Variants in CAPS2 observed in about 807,000 individuals in gnomAD.
CAPS2 encodes calcyphosin-2.
Under a neutral mutation model 86.5 loss-of-function variants are expected in CAPS2, and 98 were observed. That is an observed-to-expected ratio of 1.13 (90% CI 0.96 to 1.34). The LOEUF (loss-of-function observed/expected upper bound fraction) is 1.34, where lower values mean the gene tolerates loss of function less well. Among genes scored for constraint, CAPS2 ranks in the 40% most tolerant of loss-of-function variants. The pLI is 0.00. For synonymous variants in CAPS2, 210 were observed against 225.1 expected (o/e 0.93, Z 0.60); for missense variants, 729 against 686.8 (o/e 1.06, Z -0.69).
At chr12:75,370,233 C>T in intron 1 of CAPS2, 1 of 848,944 alleles carries the variant, frequency 1.2e-6, no homozygotes, top group South Asian at 1.4e-5. Context: ...TAGTTTATTG[C>T]TTAATATAAC....
intron 1 of CAPS2, chr12:75,365,367 A>T (rs1285010136): frequency 6.6e-6 from 1 of 152,174 alleles, no homozygotes; most frequent in Non-Finnish European, 1.5e-5. Context: ...ATTAGAACAG[A>T]AAAAGGAAAC....
chr12:75,317,833 T>A (rs1466854721), intron 5 of CAPS2, among the ~76,000 whole-genome samples: 3 of 152,152 alleles, frequency 2.0e-5, no homozygotes, highest in African/African-American at 7.2e-5. Context: ...TATGTGTGTG[T>A]GTGTCATTAA....
chr12:75,384,923 T>C (rs1198407689), intron 1 of CAPS2, among the ~76,000 whole-genome samples: 1 of 152,246 alleles, frequency 6.6e-6, no homozygotes, highest in Non-Finnish European at 1.5e-5. Flanking sequence ...AAAAAGATTA[T>C]TGGGTTATGA....
At chr12:75,291,566 A>AAT (rs1565793383) in intron 13 of CAPS2, among the ~76,000 whole-genome samples, 178 bp downstream of exon 13, 18 of 41,818 alleles carry the variant, frequency 4.3e-4, no homozygotes, top group African/African-American at 5.1e-4. Context: ...TATTTTTAAA[A>AAT]GTATATATAT....
chr12:75,334,906 A>G (rs1361969824), upstream of CAPS2: 3 of 1,612,814 alleles, frequency 1.9e-6, no homozygotes, highest in Admixed American at 3.3e-5. Context: ...ATACATGGTG[A>G]GAAAGAACCA....
chr12:75,386,577 A>G (rs1284313742), intron 1 of CAPS2, among the ~76,000 whole-genome samples: 2 of 152,162 alleles, frequency 1.3e-5, no homozygotes, highest in African/African-American at 2.4e-5. Context: ...TCATGACCCA[A>G]TCACCTCTTA....
chr12:75,286,889 T>G (rs2034967767), intron 14 of CAPS2, among the ~76,000 whole-genome samples: 1 of 151,732 alleles, frequency 6.6e-6, no homozygotes, highest in Non-Finnish European at 1.5e-5. Context: ...ATGTTAGAAG[T>G]CTTATATAAT....
chr12:75,362,564 T>G (rs1192724423), intron 1 of CAPS2, among the ~76,000 whole-genome samples: 1 of 152,208 alleles, frequency 6.6e-6, no homozygotes, highest in Non-Finnish European at 1.5e-5. Context: ...TGTTATGTTT[T>G]TATTTGTGTA....
chr12:75,290,303 T>C (rs2035614976), intron 13 of CAPS2, among the ~76,000 whole-genome samples: 1 of 152,230 alleles, frequency 6.6e-6, no homozygotes, highest in African/African-American at 2.4e-5. Flanking sequence ...TACTTATATA[T>C]TTCATAAGAG....
At chr12:75,276,886 A>G (rs1268501130), downstream of CAPS2, 7 of 982,546 alleles carry the variant, frequency 7.1e-6, no homozygotes, top group Non-Finnish European at 8.5e-6. Context: ...AGAATTACAA[A>G]GACTATTAAG....
chr12:75,341,639 G>T lies in CAPS2; in HGVS notation c.-394-18417C>A, dbSNP rs373629491. On this transcript the variant is annotated intron_variant, in intron 1 of 5. Coordinates refer to the CAPS2 transcript ENST00000551829. ...TTTTTTGTATTTTTAGTGGAGACGC[G>T]GTTTCACCGTGTTAGCCAGGACGGT... Among the ~76,000 whole-genome samples, 24 of 151,728 alleles carry T rather than the reference G, an allele frequency of 1.6e-4. No homozygotes were observed. In the Middle Eastern group the frequency reaches 0.01, roughly 65 times the overall value.
chr12:75,374,620 T>C lies in CAPS2; in HGVS notation c.-395+16218A>G, dbSNP rs570030989. On this transcript the variant is annotated intron_variant, in intron 1 of 5. Transcript: ENST00000551829. ...TTATGTTATCAATGTAAGGGGCCAG[T>C]GTGATACCTTGTGAAAGGGAAAAGT... Among the ~76,000 whole-genome samples, 6 of 152,308 alleles carry C rather than the reference T, an allele frequency of 3.9e-5. No homozygotes were observed. The South Asian group carries it at 1.0e-3, about 26-fold the overall frequency.
intron 1 of CAPS2, among the ~76,000 whole-genome samples, chr12:75,362,598 T>C (rs1348630294): frequency 6.6e-6 from 1 of 152,206 alleles, no homozygotes; most frequent in Non-Finnish European, 1.5e-5. Context: ...TAACACATTT[T>C]TAAATCTTTC....
At chr12:75,336,834 T>C (rs1171914789) in intron 1 of CAPS2, among the ~76,000 whole-genome samples, 3 of 151,836 alleles carry the variant, frequency 2.0e-5, no homozygotes, top group Non-Finnish European at 4.4e-5. Flanking sequence ...TTTTATCAAG[T>C]ATTCATTACA....
chr12:75,371,979 T>C (rs574191629), intron 1 of CAPS2, among the ~76,000 whole-genome samples: 95 of 152,256 alleles, frequency 6.2e-4, no homozygotes, highest in African/African-American at 2.1e-3. Flanking sequence ...CTTACCTCCA[T>C]TAAGGAGTAG....
At chr12:75,288,166 T>C (rs1489065634) in intron 14 of CAPS2, among the ~76,000 whole-genome samples, 1 of 152,232 alleles carries the variant, frequency 6.6e-6, no homozygotes, top group East Asian at 1.9e-4. Flanking sequence ...TATTGCTGTT[T>C]TGTTATTGTT....
In CAPS2 at chr12:75,307,503, A is replaced by G. The variant is rs2038647282; in HGVS notation, c.660-2627T>C. Among the ~76,000 whole-genome samples, 3 of 152,208 alleles carry G rather than the reference A, an allele frequency of 2.0e-5. No individual in the cohort carries two copies. The South Asian group carries it at 6.2e-4, about 32-fold the overall frequency. The stretch of plus-strand genomic sequence containing the variant: ...CAGTGTTCCATAGATCAGTAGGGTG[A>G]CTATAGTTACAATAATATATAGTAC... On this transcript the variant is annotated intron_variant, in intron 7 of 16. Coordinates refer to ENST00000393284, the Ensembl canonical transcript of CAPS2.
chr12:75,278,375 C>T (rs1245857823), exon 17 of CAPS2: 25 of 983,722 alleles, frequency 2.5e-5, no homozygotes, highest in Non-Finnish European at 2.8e-5. Flanking sequence ...ATTTCTCTTG[C>T]ATATCCTTTA....
At chr12:75,276,817 T>C (rs774212026), downstream of CAPS2, 6 of 919,550 alleles carry the variant, frequency 6.5e-6, no homozygotes, top group East Asian at 2.4e-4. Context: ...AACTATAAAA[T>C]TCATGTAACA....
Sources: gnomAD v4.1 joint callset for allele counts (sites outside exome capture counted in the v4.1 genomes callset) on GRCh38, gnomAD v4.1.1 for gene constraint, MANE v1.5 for transcripts, NCBI Gene and HGNC (gene_info 2026-07-23, HGNC 2026-07-21) for gene names.